Variants in CEP295 observed in about 807,000 individuals in gnomAD.
CEP295 encodes the protein centrosomal protein of 295 kDa.
CEP295 carries 190 observed loss-of-function variants against 291.6 expected under a neutral mutation model. That is an observed-to-expected ratio of 0.65 (90% confidence interval 0.58 to 0.73). The LOEUF (loss-of-function observed/expected upper bound fraction) is 0.73. CEP295 is among the 30% of genes least tolerant of loss of function. The pLI is 0.00. For synonymous variants in CEP295, 993 were observed against 1,038.8 expected (o/e 0.96, Z 0.85); for missense variants, 2,863 against 2,949.4 (o/e 0.97, Z 0.68).
intron 18 of CEP295, among the ~76,000 whole-genome samples, chr11:93,720,192 G>A (rs973261369): frequency 2.6e-5 from 4 of 151,616 alleles, no homozygotes; most frequent in Non-Finnish European, 5.9e-5. Context: ...ACTCTGTCTC[G>A]CCAGGCGTGG....
In CEP295 at chr11:93,723,045, A is replaced by G; in HGVS notation, c.5952A>G (p.Ser1984=). ...NTDLSLTDPE[S]FSEHMDDSKQ... ...TTCATTAAACTCAATTTTCAGAGTC[A>G]TTTTCAGAGCACATGGATGATAGCA... The change falls in exon 21 of 30, where the codon TCA becomes TCG. Residue 1984 remains serine (S), a synonymous_variant. Transcript: ENST00000325212. The G allele has an allele frequency of 6.5e-7, 1 of 1,549,708 alleles. No homozygotes were observed. The highest frequency in any genetic ancestry group is 8.7e-7 in the Non-Finnish European group (1 of 1,146,198).
intron 12 of CEP295, 142 bp downstream of exon 12, chr11:93,692,172 G>A: frequency 1.7e-6 from 1 of 583,680 alleles, no homozygotes; most frequent in South Asian, 2.3e-5. Flanking sequence ...ACATTCAGCT[G>A]ATAAAATGCG....
At chr11:93,717,305 T>C (rs1565209658) in intron 18 of CEP295, among the ~76,000 whole-genome samples, 1 of 152,240 alleles carries the variant, frequency 6.6e-6, no homozygotes, top group African/African-American at 2.4e-5. Context: ...CTTTTTATTC[T>C]ATTTGTTGAT....
chr11:93,711,581 C>T (rs1207961114), intron 18 of CEP295, among the ~76,000 whole-genome samples: 1 of 152,226 alleles, frequency 6.6e-6, no homozygotes. Flanking sequence ...TGGCCCACTG[C>T]AGCCTCCATC....
At chr11:93,681,584 T>G (rs953367172) in intron 7 of CEP295, among the ~76,000 whole-genome samples, 1 of 151,462 alleles carries the variant, frequency 6.6e-6, no homozygotes, top group Non-Finnish European at 1.5e-5. Flanking sequence ...CTTGGCTAAT[T>G]TTTATATTTT....
intron 9 of CEP295, among the ~76,000 whole-genome samples, chr11:93,685,276 T>C (rs536486499): frequency 3.4e-4 from 52 of 152,376 alleles, no homozygotes; most frequent in Non-Finnish European, 7.2e-4. Flanking sequence ...CCCTACACTG[T>C]GAACATAGCC....
intron 18 of CEP295, among the ~76,000 whole-genome samples, chr11:93,718,470 C>T (rs1400184064): frequency 6.6e-6 from 1 of 152,332 alleles, no homozygotes; most frequent in Non-Finnish European, 1.5e-5. Context: ...AGTTATTTCT[C>T]TTCCAGCTTT....
chr11:93,675,655 G>T lies in CEP295; in HGVS notation c.613G>T (p.Asp205Tyr). The T allele has an allele frequency of 6.8e-7, 1 of 1,467,906 alleles. No homozygotes were observed. The highest frequency in any genetic ancestry group is 1.3e-5 in the South Asian group (1 of 75,614). The allele number at this position is 1,467,906 out of a possible 1,614,324, so 90.9% of individuals were successfully genotyped here. ...HLHTFVNRET[D>Y]TKRPDARLAA... is the part of the protein sequence containing the mutation. ...TCACACTTTTGTGAATAGAGAGACAGACACAAAACGGGTGATTGACTTATT... is the reference window on the plus strand; with the variant it reads ...TCACACTTTTGTGAATAGAGAGACATACACAAAACGGGTGATTGACTTATT... Residue 205 changes from aspartate (D) to tyrosine (Y), a missense_variant, in exon 6 of 30, where the codon GAC (aspartate) becomes TAC (tyrosine). Transcript: ENST00000325212.
chr11:93,696,228 A>G, intron 13 of CEP295, 92 bp from the exon 14 acceptor site: 1 of 685,548 alleles, frequency 1.5e-6, no homozygotes, highest in Non-Finnish European at 2.4e-6. Flanking sequence ...ATAAAGCTGT[A>G]TGGAAGTTTA....
intron 18 of CEP295, among the ~76,000 whole-genome samples, chr11:93,709,329 G>A (rs1952737953): frequency 6.6e-6 from 1 of 152,168 alleles, no homozygotes; most frequent in Non-Finnish European, 1.5e-5. Context: ...TGTATATGGT[G>A]AGGGATAGGG....
intron 1 of CEP295, among the ~76,000 whole-genome samples, chr11:93,666,392 G>A (rs1223975428): frequency 1.3e-5 from 2 of 152,042 alleles, no homozygotes; most frequent in South Asian, 2.1e-4. Flanking sequence ...CCAAGAGTTC[G>A]AGACCAGCCT....
chr11:93,687,050 C>T (rs980474998), intron 9 of CEP295, among the ~76,000 whole-genome samples: 2 of 152,188 alleles, frequency 1.3e-5, no homozygotes, highest in Admixed American at 6.5e-5. Flanking sequence ...TATCAGCCCA[C>T]ATGGGAAAAT....
Position 93,698,111 on chromosome 11 carries a change from C to T in CEP295, c.3199C>T (p.Gln1067Ter). Residue 1067 changes from glutamine to a stop codon, truncating the protein, a stop_gained, in exon 15 of 30, where the codon CAG becomes TAG. Coordinates refer to ENST00000325212, the MANE Select transcript of CEP295 (RefSeq NM_033395.2). LOFTEE classifies it high-confidence loss of function. ...LKLLQEQLTK[Q>*]RDTLQARHEA... Reference sequence around the variant, plus strand: ...GTTGCTCCAAGAACAGTTGACTAAACAGAGGGATACTCTTCAGGCTAGGCA... The same window carrying T: ...GTTGCTCCAAGAACAGTTGACTAAATAGAGGGATACTCTTCAGGCTAGGCA... 6.4e-7 allele frequency: 1 copy of T among 1,552,162 alleles called. No homozygotes were observed. Among genetic ancestry groups the T allele is most frequent in the Non-Finnish European group, 8.7e-7 (1 of 1,147,090 alleles).
chr11:93,684,045 A>C lies in CEP295; in HGVS notation c.1031A>C (p.Asp344Ala), dbSNP rs1373745280. The C allele has an allele frequency of 6.4e-7, 1 of 1,551,746 alleles. No homozygotes were observed. The highest frequency in any genetic ancestry group is 8.7e-7 in the Non-Finnish European group (1 of 1,146,968). Residue 344 changes from aspartate (D) to alanine (A), a missense_variant, in exon 9 of 30, where the codon GAC becomes GCC. This residue lies in a region of CEP295 where 554 missense variants were observed against 576.0 expected (regional missense o/e 0.96). Coordinates refer to ENST00000325212, the MANE Select transcript of CEP295 (RefSeq NM_033395.2). Reference protein sequence around the residue: ...VTNQIQDEELDLSMEQENLGA... With the variant: ...VTNQIQDEELALSMEQENLGA... Reference sequence around the variant, plus strand: ...AATCAGATCCAAGATGAAGAGCTGGACCTTTCAATGGAACAAGAAAATTTG... The same window carrying C: ...AATCAGATCCAAGATGAAGAGCTGGCCCTTTCAATGGAACAAGAAAATTTG...
At chr11:93,693,146 G>A (rs1427474467) in intron 12 of CEP295, among the ~76,000 whole-genome samples, 2 of 151,756 alleles carry the variant, frequency 1.3e-5, no homozygotes, top group East Asian at 2.0e-4. Flanking sequence ...GCATGGTGGC[G>A]GGCGCCTGTA....
intron 18 of CEP295, among the ~76,000 whole-genome samples, chr11:93,710,798 T>C (rs1247423321): frequency 6.6e-6 from 1 of 152,246 alleles, no homozygotes; most frequent in Non-Finnish European, 1.5e-5. Flanking sequence ...TTACTTGTTA[T>C]TGGTCTACTC....
intron 22 of CEP295, among the ~76,000 whole-genome samples, chr11:93,724,983 G>A (rs1045907111): frequency 7.3e-5 from 11 of 151,582 alleles, no homozygotes; most frequent in Admixed American, 5.3e-4. Context: ...GGCCGGGTGC[G>A]GTGGCTCATG....
intron 7 of CEP295, among the ~76,000 whole-genome samples, chr11:93,682,006 T>A (rs1485853175): frequency 6.6e-6 from 1 of 152,080 alleles, no homozygotes; most frequent in Non-Finnish European, 1.5e-5. Flanking sequence ...TTATAAATAA[T>A]CCAAAAGGAA....
chr11:93,675,593 C>G lies in CEP295; in HGVS notation c.551C>G (p.Ser184Cys), dbSNP rs1042107328. The G allele has an allele frequency of 2.1e-5, 31 of 1,500,096 alleles. No individual in the cohort carries two copies. Among genetic ancestry groups the G allele is most frequent in the Non-Finnish European group, 2.6e-5 (29 of 1,126,700 alleles). 92.9% of individuals were successfully genotyped at this position (1,500,096 alleles called of 1,614,324 possible). A position where few individuals can be genotyped will look rare whatever the true frequency, so the allele number is the denominator to read the frequency against. ...LFENIEVKRI[S>C]AVKTNSSTYH... Reference sequence around the variant, plus strand: ...CAGAACATCGAAGTAAAAAGAATTTCTGCAGTCAAAACCAATAGTTCTACC... The same window carrying G: ...CAGAACATCGAAGTAAAAAGAATTTGTGCAGTCAAAACCAATAGTTCTACC... Residue 184 changes from serine (S) to cysteine (C), a missense_variant, in exon 6 of 30, where the codon TCT (serine) becomes TGT (cysteine). By Grantham distance (112) the Ser-to-Cys change is moderately radical. This residue lies in a region of CEP295 where 554 missense variants were observed against 576.0 expected (regional missense o/e 0.96). Coordinates refer to ENST00000325212, the MANE Select transcript of CEP295 (RefSeq NM_033395.2).
Sources: allele counts gnomAD v4.1 joint callset (sites outside exome capture counted in the v4.1 genomes callset), GRCh38; gene constraint gnomAD v4.1.1; regional missense constraint gnomAD v4.1.1; transcripts MANE v1.5; gene names NCBI Gene and HGNC (gene_info 2026-07-23, HGNC 2026-07-21).